Variants in MYO10 observed in about 807,000 individuals in gnomAD.
MYO10 encodes the protein unconventional myosin-X.
MYO10 carries 133 observed loss-of-function variants against 257.3 expected under a neutral mutation model. The observed-to-expected ratio is 0.52, with a 90% CI of 0.45 to 0.60. The LOEUF is 0.60. MYO10 is among the 20% of genes least tolerant of loss of function. The probability of loss-of-function intolerance (pLI) is 0.00; values close to 1 mark genes in which losing one functional copy is unlikely to be tolerated. For synonymous variants in MYO10, 1,104 were observed against 1,028.6 expected (o/e 1.07, Z -1.40); for missense variants, 2,399 against 2,635.7 (o/e 0.91, Z 1.97).
intron 9 of MYO10, among the ~76,000 whole-genome samples, chr5:16,778,570 GCCACGGGGAATTCTT>G (rs1320968720): frequency 3.3e-5 from 5 of 152,132 alleles, no homozygotes; most frequent in Admixed American, 1.3e-4. Flanking sequence ...AGTGGGTGGG[GCCACGGGGAATTCTT>G]CCACGGGGAA....
chr5:16,728,070 C>T (rs185185384), intron 19 of MYO10, among the ~76,000 whole-genome samples: 6 of 152,210 alleles, frequency 3.9e-5, no homozygotes, highest in African/African-American at 7.2e-5. Context: ...ACGTGTTGAG[C>T]GTGTGATTGA....
At chr5:16,902,438 A>C (rs1469146697) in intron 1 of MYO10, 1 of 1,246,178 alleles carries the variant, frequency 8.0e-7, no homozygotes, top group Non-Finnish European at 1.2e-6. Flanking sequence ...GTAACTTCAC[A>C]TACAGCTTGG....
At chr5:16,926,704 C>CAA (rs34123697) in intron 1 of MYO10, among the ~76,000 whole-genome samples, 2 of 134,738 alleles carry the variant, frequency 1.5e-5, no homozygotes, top group Non-Finnish European at 3.3e-5. Flanking sequence ...TCTGTCCCAG[C>CAA]AAAAAAAAAA....
At chr5:16,899,093 C>T (rs2562352) in intron 1 of MYO10, among the ~76,000 whole-genome samples, 71,314 of 145,770 alleles carry the variant, frequency 0.49, 17,612 homozygotes, top group Admixed American at 0.55. Flanking sequence ...CGAGATCATG[C>T]CGCTGCACTC....
At chr5:16,779,726 A>AGT (rs1267438620) in intron 8 of MYO10, 78 bp from the exon 9 acceptor site, 6 of 786,722 alleles carry the variant, frequency 7.6e-6, no homozygotes, top group Non-Finnish European at 1.3e-5. Context: ...GACTTTTTAA[A>AGT]GTATATATAT....
chr5:16,844,890 T>C (rs1021924449), intron 2 of MYO10, among the ~76,000 whole-genome samples: 6 of 151,740 alleles, frequency 4.0e-5, no homozygotes, highest in East Asian at 1.9e-4. Flanking sequence ...CCAGTAAAAT[T>C]TGTTAAACTC....
intron 1 of MYO10, among the ~76,000 whole-genome samples, chr5:16,899,639 A>AAC (rs1353395474): frequency 5.9e-5 from 9 of 151,836 alleles, no homozygotes; most frequent in African/African-American, 2.2e-4. Context: ...AAAAAAAAAA[A>AAC]AAACAAAAAA....
At chr5:16,719,046 T>G (rs937931824) in intron 19 of MYO10, among the ~76,000 whole-genome samples, 55 of 152,274 alleles carry the variant, frequency 3.6e-4, no homozygotes, top group Admixed American at 4.6e-4. Context: ...TTCCACACTG[T>G]GGAAGCTTTG....
Position 16,681,940 on chromosome 5 carries a change from G to A in MYO10, c.4120C>T (p.His1374Tyr). The stretch of plus-strand genomic sequence containing the variant: ...GACCTCTGCAGCAGGGTTATCCAGT[G>A]GTGCATCTCCTCCGGCGTGTCGGCG... ...CNADTPEEMH[H>Y]WITLLQRSKG... Residue 1374 changes from histidine (H) to tyrosine (Y), a missense_variant, in exon 31 of 41, where the codon CAC (histidine) becomes TAC (tyrosine). Physicochemically the swap from His to Tyr is moderately conservative, Grantham distance 83 (BLOSUM62 2). Around this residue, in one of 3 missense-constraint regions of MYO10, gnomAD observed 1,820 missense variants for 1,939.4 expected, o/e 0.94. Transcript: ENST00000513610. The A allele has an allele frequency of 1.2e-6, 2 of 1,613,952 alleles. No individual in the cohort carries two copies. The highest frequency in any genetic ancestry group is 1.3e-5 in the African/African-American group (1 of 75,022).
chr5:16,735,497 G>A (rs111644938), intron 19 of MYO10, among the ~76,000 whole-genome samples: 2,679 of 152,138 alleles, frequency 0.018, 44 homozygotes, highest in Non-Finnish European at 0.025. Context: ...TTGAGCCCAG[G>A]AGTTCGAGAT....
chr5:16,834,054 C>A (rs924653174), intron 2 of MYO10, among the ~76,000 whole-genome samples: 15 of 152,122 alleles, frequency 9.9e-5, no homozygotes, highest in African/African-American at 3.4e-4. Flanking sequence ...GCCAAGCTGA[C>A]TCCATACGCA....
rs1736110390 is a variant in MYO10, at chr5:16,665,309, G to C, written c.*1383C>G. ...AAGGAAACACACAGCGTGTTAGCTAGTATCTTTTATTGTCAGAACTTCTGT... is the reference window on the plus strand; with the variant it reads ...AAGGAAACACACAGCGTGTTAGCTACTATCTTTTATTGTCAGAACTTCTGT... On this transcript the variant is annotated 3_prime_UTR_variant, in exon 41 of 41. Coordinates refer to ENST00000513610, the MANE Select transcript of MYO10 (RefSeq NM_012334.3). 1 of 152,058 alleles carries C rather than the reference G, an allele frequency of 6.6e-6. No homozygotes were observed. The highest frequency in any genetic ancestry group is 1.9e-4 in the East Asian group (1 of 5,192). 9.4% of individuals were successfully genotyped at this position (152,058 alleles called of 1,614,324 possible).
chr5:16,899,454 G>A (rs554714430), intron 1 of MYO10, among the ~76,000 whole-genome samples: 2 of 152,016 alleles, frequency 1.3e-5, no homozygotes, highest in South Asian at 4.1e-4. Flanking sequence ...GCCCAACATG[G>A]TGAAACCCCC....
intron 1 of MYO10, among the ~76,000 whole-genome samples, chr5:16,917,901 T>C (rs1001234026): frequency 1.3e-5 from 2 of 152,140 alleles, no homozygotes. Flanking sequence ...CTAACCTATG[T>C]ATCCATCCCT....
intron 9 of MYO10, among the ~76,000 whole-genome samples, chr5:16,772,019 C>A (rs1169330305): frequency 6.6e-6 from 1 of 151,850 alleles, no homozygotes; most frequent in Non-Finnish European, 1.5e-5. Flanking sequence ...AGAAAAAAAA[C>A]CTTTAGAAAA....
intron 19 of MYO10, among the ~76,000 whole-genome samples, chr5:16,717,748 A>T (rs1738933970): frequency 6.6e-6 from 1 of 151,938 alleles, no homozygotes; most frequent in African/African-American, 2.4e-5. Flanking sequence ...ACGGGGATTT[A>T]ACTCCATTTG....
At chr5:16,865,294 A>T (rs888323187) in intron 2 of MYO10, among the ~76,000 whole-genome samples, 1 of 152,106 alleles carries the variant, frequency 6.6e-6, no homozygotes, top group Admixed American at 6.5e-5. Flanking sequence ...CTTCACCCGC[A>T]TGCAGGGATA....
At chr5:16,751,845 C>T (rs1162734085) in intron 19 of MYO10, among the ~76,000 whole-genome samples, 2 of 152,058 alleles carry the variant, frequency 1.3e-5, no homozygotes, top group South Asian at 4.1e-4. Flanking sequence ...ATCACTGGTG[C>T]GTTATTAATT....
In MYO10 at chr5:16,760,982, A is replaced by AATTT. The variant is rs879648526; in HGVS notation, c.1739+478_1739+481dup. The stretch of plus-strand genomic sequence containing the variant: ...TGCTTATATTATTATTATTATTATT[A>AATTT]ATTTATTTATTTATTTATTTATTTT... On this transcript the variant is annotated intron_variant, in intron 17 of 40. Coordinates refer to ENST00000513610, the MANE Select transcript of MYO10 (RefSeq NM_012334.3). 7.2e-5 allele frequency among the ~76,000 whole-genome samples: 10 copies of AATTT among 138,164 alleles called. No homozygotes were observed. In the East Asian group the frequency reaches 8.7e-4, roughly 12 times the overall value. The allele number at this position is 138,164 out of a possible 152,430, so 90.6% of individuals were successfully genotyped here.
Sources: gnomAD v4.1 joint callset for allele counts (sites outside exome capture counted in the v4.1 genomes callset) on GRCh38, gnomAD v4.1.1 for gene constraint, gnomAD v4.1.1 regional missense constraint, MANE v1.5 for transcripts, NCBI Gene and HGNC (gene_info 2026-07-23, HGNC 2026-07-21) for gene names.